Variants in PLD5 observed in about 807,000 individuals in gnomAD.
PLD5 encodes phospholipase D family member 5, also known as inactive phospholipase D5.
A neutral mutation model predicts 61.1 loss-of-function variants in PLD5; 36 were observed. The observed-to-expected ratio is 0.59, with a 90% CI of 0.45 to 0.78. PLD5 has a LOEUF of 0.78. PLD5 is among the 30% of genes least tolerant of loss of function. PLD5 has a pLI of 0.00. For missense variants in PLD5, 515 were observed against 644.4 expected, an observed-to-expected ratio of 0.80 and a Z score of 2.17; for synonymous variants, 243 against 242.8, an observed-to-expected ratio of 1.00 and a Z score of -0.01.
intron 2 of PLD5, among the ~76,000 whole-genome samples, chr1:242,339,757 G>A (rs370221174): frequency 1.1e-4 from 17 of 152,276 alleles, no homozygotes; most frequent in African/African-American, 3.6e-4. Context: ...AGGGAAGGAC[G>A]AATGAAGTCA....
At chr1:242,189,639 C>T (rs912842476) in intron 5 of PLD5, among the ~76,000 whole-genome samples, 5 of 152,058 alleles carry the variant, frequency 3.3e-5, no homozygotes, top group Admixed American at 6.6e-5. Context: ...GAAAGACAAG[C>T]GATAAACAAC....
chr1:242,358,473 T>C lies in PLD5; in HGVS notation c.190-10231A>G, dbSNP rs909247781. Among the ~76,000 whole-genome samples, 29 of 151,962 alleles carry C rather than the reference T, an allele frequency of 1.9e-4. 1 individual carries two copies. Among genetic ancestry groups the C allele is most frequent in the Non-Finnish European group, 4.4e-5 (3 of 67,994 alleles). On this transcript the variant is annotated intron_variant, in intron 1 of 9. Transcript: ENST00000536534. Reference sequence around the variant, plus strand: ...TGAATCTGGGCAGGCAGAGCTTGCATTCAGGTTCTCTAGATGTCTGGGTCA... The same window carrying C: ...TGAATCTGGGCAGGCAGAGCTTGCACTCAGGTTCTCTAGATGTCTGGGTCA...
In PLD5 at chr1:242,227,794, CTG is replaced by C. The variant is rs541887143; in HGVS notation, c.608-7681_608-7680del. 2.0e-4 allele frequency among the ~76,000 whole-genome samples: 30 copies of C among 152,314 alleles called. No individual in the cohort carries two copies. The East Asian group carries it at 5.4e-3, about 27-fold the overall frequency. On this transcript the variant is annotated intron_variant, in intron 4 of 9. Transcript: ENST00000536534. ...CTGTTACATGCTTTTTAGGACATGA[CTG>C]TGTTTGTGATTCTACTCCTTTATGA...
intron 1 of PLD5, among the ~76,000 whole-genome samples, chr1:242,358,890 G>T (rs1229086472): frequency 1.3e-5 from 2 of 152,130 alleles, no homozygotes; most frequent in Non-Finnish European, 2.9e-5. Context: ...GGCAGATCTA[G>T]TGTCTACTTG....
intron 2 of PLD5, among the ~76,000 whole-genome samples, chr1:242,320,018 G>A (rs1261343690): frequency 6.6e-6 from 1 of 152,054 alleles, no homozygotes; most frequent in Non-Finnish European, 1.5e-5. Context: ...TTGGAAAAAA[G>A]CACAGACCAC....
intron 1 of PLD5, chr1:242,449,486 G>A (rs1036085464): frequency 4.6e-6 from 7 of 1,526,070 alleles, no homozygotes; most frequent in East Asian, 2.5e-5. Flanking sequence ...TATCACCACC[G>A]ATTACATTTC....
intron 1 of PLD5, among the ~76,000 whole-genome samples, chr1:242,440,611 C>T (rs1666228247): frequency 6.6e-6 from 1 of 152,156 alleles, no homozygotes; most frequent in Non-Finnish European, 1.5e-5. Flanking sequence ...GTGTCCTTGC[C>T]CTGCAAAGGG....
rs913077074 is a variant in PLD5, at chr1:242,088,173, G to C, written c.*1681C>G. The C allele has an allele frequency of 3.3e-5, 5 of 152,186 alleles. No homozygotes were observed. The highest frequency in any genetic ancestry group is 1.3e-4 in the Admixed American group (2 of 15,274). 9.4% of individuals were successfully genotyped at this position (152,186 alleles called of 1,614,324 possible). On this transcript the variant is annotated 3_prime_UTR_variant, in exon 10 of 10. Coordinates refer to ENST00000536534, the MANE Select transcript of PLD5 (RefSeq NM_001372062.1). ...GTGTTTCCTTGCTCTGAAAATACAT[G>C]TATATTATGGTCCTGAAGAACCAGC... is the stretch of plus-strand genomic sequence containing the variant.
At chr1:242,181,442 G>A (rs967153371) in intron 5 of PLD5, among the ~76,000 whole-genome samples, 8 of 152,076 alleles carry the variant, frequency 5.3e-5, no homozygotes, top group Non-Finnish European at 1.2e-4. Context: ...TTTTAATATT[G>A]ATGTGTTGGG....
At position 242,089,563 on chromosome 1, in the gene PLD5, A is replaced by G; in HGVS notation, c.*291T>C. The G allele has an allele frequency of 3.8e-6, 2 of 523,806 alleles. No individual in the cohort carries two copies. The highest frequency in any genetic ancestry group is 6.6e-6 in the Non-Finnish European group (2 of 301,986). 32.4% of individuals were successfully genotyped at this position (523,806 alleles called of 1,614,324 possible). ...GGGTAGGTCAGCAGAAAAAGTTCTAAAACTAGAAAGGAGCAGGAATGAAAG... is the reference window on the plus strand; with the variant it reads ...GGGTAGGTCAGCAGAAAAAGTTCTAGAACTAGAAAGGAGCAGGAATGAAAG... On this transcript the variant is annotated 3_prime_UTR_variant, in exon 10 of 10. Transcript: ENST00000536534.
At chr1:242,101,122 G>T (rs1230218022) in intron 8 of PLD5, among the ~76,000 whole-genome samples, 1 of 152,140 alleles carries the variant, frequency 6.6e-6, no homozygotes, top group Non-Finnish European at 1.5e-5. Context: ...GCATGCCTCA[G>T]GGTGCTTTCT....
chr1:242,126,184 C>T (rs1344663996), intron 5 of PLD5, among the ~76,000 whole-genome samples: 4 of 152,186 alleles, frequency 2.6e-5, no homozygotes, highest in Non-Finnish European at 4.4e-5. Flanking sequence ...AATGGGAACA[C>T]ATCCCATGCT....
Position 242,297,438 on chromosome 1 carries a change from G to A in PLD5, c.327-8908C>T, listed in dbSNP as rs1274169573. 3.0e-5 allele frequency among the ~76,000 whole-genome samples: 4 copies of A among 135,330 alleles called. No homozygotes were observed. In the Admixed American group the frequency reaches 3.2e-4, roughly 11 times the overall value. 88.8% of individuals were successfully genotyped at this position (135,330 alleles called of 152,430 possible). On this transcript the variant is annotated intron_variant, in intron 2 of 9. Coordinates refer to ENST00000536534, the MANE Select transcript of PLD5 (RefSeq NM_001372062.1). Reference sequence around the variant, plus strand: ...TTTTTTTTTTTTAAGGCAGGGTCTTGCTCTGTCATCCAGGCTAGAGAACAG... The same window carrying A: ...TTTTTTTTTTTTAAGGCAGGGTCTTACTCTGTCATCCAGGCTAGAGAACAG...
At chr1:242,224,614 G>T (rs920791354) in intron 4 of PLD5, among the ~76,000 whole-genome samples, 2 of 152,062 alleles carry the variant, frequency 1.3e-5, no homozygotes, top group African/African-American at 4.8e-5. Context: ...CTGAAAACCA[G>T]CCCCTTTGTC....
chr1:242,393,249 A>T (rs868467868), intron 1 of PLD5, among the ~76,000 whole-genome samples: 24 of 42,308 alleles, frequency 5.7e-4, no homozygotes, highest in African/African-American at 1.4e-3. Flanking sequence ...TATATATATG[A>T]GTATATATAT....
At chr1:242,260,783 T>C (rs1445579879) in intron 4 of PLD5, among the ~76,000 whole-genome samples, 3 of 152,182 alleles carry the variant, frequency 2.0e-5, no homozygotes, top group Non-Finnish European at 4.4e-5. Flanking sequence ...AATTAAGGAT[T>C]ACATTTCTAA....
intron 5 of PLD5, among the ~76,000 whole-genome samples, chr1:242,182,765 C>A (rs1326362661): frequency 1.3e-5 from 2 of 152,174 alleles, no homozygotes; most frequent in African/African-American, 4.8e-5. Context: ...ATCTCTTGAA[C>A]CCAGGAGACG....
intron 1 of PLD5, among the ~76,000 whole-genome samples, chr1:242,467,110 T>C (rs1337449042): frequency 6.6e-6 from 1 of 152,182 alleles, no homozygotes; most frequent in African/African-American, 2.4e-5. Flanking sequence ...GTCCTCACCA[T>C]AAAAAAGGTA....
chr1:242,482,792 T>G (rs1278470948), intron 1 of PLD5, among the ~76,000 whole-genome samples: 1 of 152,136 alleles, frequency 6.6e-6, no homozygotes, highest in Non-Finnish European at 1.5e-5. Context: ...GAAAAAATGT[T>G]AAGGGCAGCC....
Sources: gnomAD v4.1 joint callset for allele counts (sites outside exome capture counted in the v4.1 genomes callset) on GRCh38, gnomAD v4.1.1 for gene constraint, MANE v1.5 for transcripts, NCBI Gene and HGNC (gene_info 2026-07-23, HGNC 2026-07-21) for gene names.